CACNA2D1: variants seen among roughly 807,000 people sequenced by gnomAD.
The protein encoded by CACNA2D1 is voltage-dependent calcium channel subunit alpha-2/delta-1.
A neutral mutation model predicts 171.5 loss-of-function variants in CACNA2D1; 53 were observed. The ratio of observed to expected loss-of-function variants is 0.31; its 90% confidence interval spans 0.25 to 0.39. The LOEUF (loss-of-function observed/expected upper bound fraction) is 0.39. Ranked by LOEUF, CACNA2D1 falls within the 10% of genes least tolerant of loss-of-function variation. The pLI, the probability that CACNA2D1 is intolerant of heterozygous loss-of-function variation, is 1.00. For missense variants in CACNA2D1, 903 were observed against 1,299.8 expected, an observed-to-expected ratio of 0.69 and a Z score of 4.69; for synonymous variants, 442 against 443.1, an observed-to-expected ratio of 1.00 and a Z score of 0.03.
chr7:82,366,409 A>C (rs2129447750), intron 1 of CACNA2D1, among the ~76,000 whole-genome samples: 1 of 152,220 alleles, frequency 6.6e-6, no homozygotes, highest in East Asian at 1.9e-4. Flanking sequence ...TTTGTCTATT[A>C]TTTCAATCTT....
chr7:82,261,645 T>C (rs773865357), intron 3 of CACNA2D1, among the ~76,000 whole-genome samples: 20 of 152,188 alleles, frequency 1.3e-4, no homozygotes, highest in Non-Finnish European at 2.1e-4. Flanking sequence ...GCAAAGATTA[T>C]AACCAACATA....
chr7:82,299,239 T>C (rs1165963514), intron 3 of CACNA2D1, among the ~76,000 whole-genome samples: 2 of 152,026 alleles, frequency 1.3e-5, no homozygotes, highest in Non-Finnish European at 2.9e-5. Context: ...GGTTTTTTTG[T>C]TTGTTTTGGG....
At chr7:82,074,334 T>G (rs1808696890) in intron 7 of CACNA2D1, among the ~76,000 whole-genome samples, 1 of 152,026 alleles carries the variant, frequency 6.6e-6, no homozygotes, top group Non-Finnish European at 1.5e-5. Flanking sequence ...TGAAAGCAAT[T>G]CTCCTGCCTC....
intron 3 of CACNA2D1, among the ~76,000 whole-genome samples, chr7:82,202,536 C>T (rs1425388912): frequency 6.6e-6 from 1 of 152,164 alleles, no homozygotes; most frequent in African/African-American, 2.4e-5. Flanking sequence ...GGCGCTGAAA[C>T]AGCTGAAGTA....
intron 3 of CACNA2D1, among the ~76,000 whole-genome samples, chr7:82,219,853 G>C (rs1227040899): frequency 6.6e-6 from 1 of 151,942 alleles, no homozygotes; most frequent in Admixed American, 6.6e-5. Flanking sequence ...AGTAGTTACA[G>C]GTACCTACCA....
chr7:82,047,269 A>G (rs1804664554), intron 10 of CACNA2D1, among the ~76,000 whole-genome samples: 2 of 152,170 alleles, frequency 1.3e-5, no homozygotes, highest in Admixed American at 1.3e-4. Flanking sequence ...CCAGCTCCTG[A>G]AGACAAAACC....
At chr7:82,271,641 G>A (rs568362847) in intron 3 of CACNA2D1, among the ~76,000 whole-genome samples, 62 of 151,984 alleles carry the variant, frequency 4.1e-4, no homozygotes, top group Middle Eastern at 3.4e-3. Flanking sequence ...AAAATAGTAC[G>A]TTGTTTTATT....
chr7:82,431,721 G>A (rs1318695576), intron 1 of CACNA2D1, among the ~76,000 whole-genome samples: 2 of 151,994 alleles, frequency 1.3e-5, no homozygotes, highest in Non-Finnish European at 2.9e-5. Flanking sequence ...TTATCTCCGA[G>A]GATTGCCTTG....
At chr7:81,982,018 G>A (rs950726819) in intron 24 of CACNA2D1, among the ~76,000 whole-genome samples, 2 of 152,044 alleles carry the variant, frequency 1.3e-5, no homozygotes, top group African/African-American at 4.8e-5. Context: ...ATATTCACAG[G>A]TAAAAATACA....
rs1317644393 is a variant in CACNA2D1 at position 82,038,762 on chromosome 7, C to CG, written c.880-528_880-527insC. 3.3e-5 allele frequency among the ~76,000 whole-genome samples: 5 copies of CG among 152,222 alleles called. No individual in the cohort carries two copies. In the East Asian group the frequency reaches 9.6e-4, roughly 29 times the overall value. On this transcript the variant is annotated intron_variant, in intron 10 of 38. Transcript: ENST00000356860. ...AGAGGAAAGCAATCTGAATCAAGAACAACTGGTAGCCTTTTAGAAATATCA... is the reference window on the plus strand; with the variant it reads ...AGAGGAAAGCAATCTGAATCAAGAACGAACTGGTAGCCTTTTAGAAATATCA...
At chr7:82,014,511 G>A in intron 12 of CACNA2D1, 32 bp from the exon 13 acceptor site, 1 of 1,184,444 alleles carries the variant, frequency 8.4e-7, no homozygotes, top group Middle Eastern at 2.0e-4. Context: ...TATTCATTAG[G>A]CTGAATAAAA....
intron 7 of CACNA2D1, among the ~76,000 whole-genome samples, chr7:82,082,937 A>G (rs936285726): frequency 8.6e-5 from 13 of 152,042 alleles, no homozygotes; most frequent in African/African-American, 2.9e-4. Context: ...TATTTGTTAA[A>G]AGAGCCATTT....
intron 18 of CACNA2D1, among the ~76,000 whole-genome samples, chr7:82,003,808 G>C (rs1160752860): frequency 6.7e-6 from 1 of 149,698 alleles, no homozygotes; most frequent in Non-Finnish European, 1.5e-5. Flanking sequence ...GCAATGGCGT[G>C]GTCTCGGCTC....
chr7:82,432,108 T>C (rs1237105191), intron 1 of CACNA2D1, among the ~76,000 whole-genome samples: 7 of 149,514 alleles, frequency 4.7e-5, no homozygotes, highest in Non-Finnish European at 1.5e-5. Flanking sequence ...AGCTCAAAAA[T>C]GTCAGAAAAC....
chr7:81,981,010 T>C (rs1201738354), intron 24 of CACNA2D1, among the ~76,000 whole-genome samples: 1 of 152,160 alleles, frequency 6.6e-6, no homozygotes, highest in Non-Finnish European at 1.5e-5. Flanking sequence ...TATTGAAATA[T>C]GTAAAGTCTG....
rs189005022 is a variant in CACNA2D1 at position 82,114,192 on chromosome 7, A to T, written c.526+2852T>A. ...TATGTATGCCTATGTAAACATTTTTAAAAAAATTTTTTAAAAATTTACGTT... is the reference window on the plus strand; with the variant it reads ...TATGTATGCCTATGTAAACATTTTTTAAAAAATTTTTTAAAAATTTACGTT... On this transcript the variant is annotated intron_variant, in intron 6 of 38. Coordinates refer to ENST00000356860, the MANE Select transcript of CACNA2D1 (RefSeq NM_000722.4). 8.6e-3 allele frequency among the ~76,000 whole-genome samples: 1,306 copies of T among 152,298 alleles called. 15 individuals carry two copies. The highest frequency in any genetic ancestry group is 0.029 in the African/African-American group (1,207 of 41,552).
intron 1 of CACNA2D1, chr7:82,410,574 C>A (rs949729700): frequency 1.0e-6 from 1 of 965,532 alleles, no homozygotes; most frequent in Non-Finnish European, 1.2e-6. Context: ...TGGCTTGCGA[C>A]ACTTAGGAAG....
chr7:82,165,590 T>C (rs921919871), intron 4 of CACNA2D1, among the ~76,000 whole-genome samples: 1 of 152,058 alleles, frequency 6.6e-6, no homozygotes, highest in Non-Finnish European at 1.5e-5. Context: ...ATGGCATTTA[T>C]ACGTATGCAT....
At chr7:82,157,241 AAAAG>A (rs1376566448) in intron 4 of CACNA2D1, among the ~76,000 whole-genome samples, 1 of 152,150 alleles carries the variant, frequency 6.6e-6, no homozygotes, top group African/African-American at 2.4e-5. Context: ...GAATACTGTG[AAAAG>A]AAACAAAATC....
Sources: gnomAD v4.1 joint callset for allele counts (sites outside exome capture counted in the v4.1 genomes callset) on GRCh38, gnomAD v4.1.1 for gene constraint, MANE v1.5 for transcripts, NCBI Gene and HGNC (gene_info 2026-07-23, HGNC 2026-07-21) for gene names.